DCAF5: variants seen among roughly 807,000 people sequenced by gnomAD.
The protein encoded by DCAF5 is DDB1- and CUL4-associated factor 5.
DCAF5 carries 9 observed loss-of-function variants against 80.7 expected under a neutral mutation model. That is an observed-to-expected ratio of 0.11 (90% CI 0.07 to 0.19). DCAF5 has a LOEUF of 0.19. Ranked by LOEUF, DCAF5 falls within the 10% of genes least tolerant of loss-of-function variation. DCAF5 has a pLI of 1.00. For synonymous variants in DCAF5, 433 were observed against 461.9 expected, an observed-to-expected ratio of 0.94 and a Z score of 0.80; for missense variants, 842 against 1,205.7, an observed-to-expected ratio of 0.70 and a Z score of 4.47.
intron 1 of DCAF5, among the ~76,000 whole-genome samples, chr14:69,135,054 A>G (rs1268909309): frequency 2.0e-5 from 3 of 152,260 alleles, no homozygotes; most frequent in African/African-American, 7.2e-5. Flanking sequence ...ATTCTGATGT[A>G]GACACTTGAA....
rs1428479276 is a variant in DCAF5, at chr14:69,055,674, G to A, written c.1075-63C>T. The A allele has an allele frequency of 9.3e-6, 14 of 1,498,856 alleles. No individual in the cohort carries two copies. The highest frequency in any genetic ancestry group is 1.3e-5 in the Non-Finnish European group (14 of 1,105,788). 92.8% of individuals were successfully genotyped at this position (1,498,856 alleles called of 1,614,324 possible). On this transcript the variant is annotated intron_variant, in intron 8 of 8. Transcript: ENST00000341516. The surrounding 1 kb of genome is among the most constrained non-coding windows in gnomAD (Gnocchi z 5.6). ...ACTGGAAAGTATTCTTTCACTGGTG[G>A]TGATAAAGAACACCAAGGCAGAACT...
rs887212685 is a variant in DCAF5 at position 69,152,690 on chromosome 14, G to A, written c.214+75C>T. On this transcript the variant is annotated intron_variant, in intron 1 of 8. Coordinates refer to ENST00000341516, the MANE Select transcript of DCAF5 (RefSeq NM_003861.3). The surrounding 1 kb of genome is among the most constrained non-coding windows in gnomAD (Gnocchi z 4.1). ...GGGTGGGGACAGAGGGCAGGAGGAG[G>A]GTGACGGGGGAGAGCGAGAGGGGGA... 105 of 1,130,708 alleles carry A rather than the reference G, an allele frequency of 9.3e-5. No individual in the cohort carries two copies. Among genetic ancestry groups the A allele is most frequent in the Non-Finnish European group, 1.3e-4 (104 of 788,592 alleles). 70.0% of individuals were successfully genotyped at this position (1,130,708 alleles called of 1,614,324 possible). A position where few individuals can be genotyped will look rare whatever the true frequency, so the allele number is the denominator to read the frequency against.
chr14:69,135,227 T>C (rs2041155204), intron 1 of DCAF5, among the ~76,000 whole-genome samples: 1 of 152,216 alleles, frequency 6.6e-6, no homozygotes, highest in Admixed American at 6.5e-5. Flanking sequence ...AAAGCAATGG[T>C]GGGTAAAACC....
intron 1 of DCAF5, among the ~76,000 whole-genome samples, chr14:69,126,369 C>G (rs1036606804): frequency 6.6e-6 from 1 of 152,058 alleles, no homozygotes; most frequent in Non-Finnish European, 1.5e-5. Context: ...GTTGGCCAGG[C>G]TGGTCTTGAA....
intron 5 of DCAF5, among the ~76,000 whole-genome samples, chr14:69,102,587 C>T (rs916130214): frequency 1.8e-5 from 2 of 111,018 alleles, no homozygotes; most frequent in Non-Finnish European, 3.9e-5. Flanking sequence ...TTGTTAAAAA[C>T]AAAGACACAC....
At chr14:69,100,446 AAC>A (rs1389611436) in intron 5 of DCAF5, among the ~76,000 whole-genome samples, 5 of 152,214 alleles carry the variant, frequency 3.3e-5, no homozygotes, top group Non-Finnish European at 7.4e-5. Context: ...TCCATATAAT[AAC>A]AGTCAAACAA....
intron 7 of DCAF5, among the ~76,000 whole-genome samples, chr14:69,071,796 G>C (rs2038702211): frequency 6.6e-6 from 1 of 152,194 alleles, no homozygotes; most frequent in African/African-American, 2.4e-5. Context: ...TGTTAGGCTT[G>C]CTGAACCTTG....
chr14:69,119,164 A>G (rs374001975), intron 3 of DCAF5, 30 bp downstream of exon 3: 22 of 1,604,538 alleles, frequency 1.4e-5, no homozygotes, highest in Middle Eastern at 1.7e-4. Flanking sequence ...AACAAAGTCA[A>G]TCACCTTCAC....
At position 69,053,554 on chromosome 14, in the gene DCAF5, G is replaced by T. The variant is rs1465133085; in HGVS notation, c.*303C>A. On this transcript the variant is annotated 3_prime_UTR_variant, in exon 9 of 9. Coordinates refer to ENST00000341516, the MANE Select transcript of DCAF5 (RefSeq NM_003861.3). ...GTGCGTACACAAGAACAAGTCGAAC[G>T]TCTCAACAAAGATTTACTTCCACAG... 6.5e-6 allele frequency: 2 copies of T among 308,060 alleles called. No homozygotes were observed. Among genetic ancestry groups the T allele is most frequent in the Non-Finnish European group, 1.2e-5 (2 of 166,906 alleles). 19.1% of individuals were successfully genotyped at this position (308,060 alleles called of 1,614,324 possible).
chr14:69,146,262 T>G (rs76464984), intron 1 of DCAF5, among the ~76,000 whole-genome samples: 1 of 152,200 alleles, frequency 6.6e-6, no homozygotes, highest in Non-Finnish European at 1.5e-5. Flanking sequence ...TTTGATGTAT[T>G]AATAACAATG....
intron 1 of DCAF5, among the ~76,000 whole-genome samples, chr14:69,147,790 G>A (rs1001190404): frequency 6.6e-6 from 1 of 151,936 alleles, no homozygotes; most frequent in Non-Finnish European, 1.5e-5. Context: ...ACTTCTAAAG[G>A]TACTTTTCCT....
chr14:69,143,789 T>C (rs1344660728), intron 1 of DCAF5: 1 of 152,322 alleles, frequency 6.6e-6, no homozygotes, highest in Non-Finnish European at 1.5e-5. Flanking sequence ...TTCTATAAAG[T>C]AACGGATCAT....
At chr14:69,106,392 A>G (rs1052167463) in intron 5 of DCAF5, among the ~76,000 whole-genome samples, 4 of 151,568 alleles carry the variant, frequency 2.6e-5, no homozygotes, top group Non-Finnish European at 5.9e-5. Context: ...TTTTAGTGAT[A>G]GGGTCTCATT....
chr14:69,125,991 T>C (rs929307392), intron 1 of DCAF5, among the ~76,000 whole-genome samples: 3 of 152,100 alleles, frequency 2.0e-5, no homozygotes. Context: ...ATAAGGTTAA[T>C]ATACAAAAGT....
At chr14:69,071,643 T>C (rs2038697277) in intron 7 of DCAF5, among the ~76,000 whole-genome samples, 1 of 152,128 alleles carries the variant, frequency 6.6e-6, no homozygotes, top group Admixed American at 6.6e-5. Flanking sequence ...AATGAATGAA[T>C]GAATGTGTAC....
intron 5 of DCAF5, among the ~76,000 whole-genome samples, chr14:69,112,629 A>AC (rs397976020): frequency 1.1e-4 from 17 of 151,438 alleles, no homozygotes; most frequent in African/African-American, 2.4e-4. Flanking sequence ...ACACACACAC[A>AC]AATAACACAC....
rs780925141 is a variant in DCAF5, at chr14:69,062,419, T to G, written c.1039A>C (p.Met347Leu). The G allele has an allele frequency of 6.2e-7, 1 of 1,614,126 alleles. No homozygotes were observed. The change falls in exon 8 of 9, where the codon ATG becomes CTG. Residue 347 changes from methionine to leucine, a missense_variant. Coordinates refer to ENST00000341516, the MANE Select transcript of DCAF5 (RefSeq NM_003861.3). ...NQVRFNPHTY[M>L]ICSSGVEKII... ...TTTTCTACACCAGAAGAGCAGATCA[T>G]GTAGGTGTGGGGATTAAATCGGACT...
chr14:69,126,791 G>A (rs1566778422), intron 1 of DCAF5, among the ~76,000 whole-genome samples: 1 of 152,054 alleles, frequency 6.6e-6, no homozygotes, highest in South Asian at 2.1e-4. Context: ...ACGGAGCAAA[G>A]ACAAAACAAT....
chr14:69,125,851 T>C (rs2040856583), intron 1 of DCAF5, among the ~76,000 whole-genome samples: 1 of 152,166 alleles, frequency 6.6e-6, no homozygotes, highest in Admixed American at 6.5e-5. Context: ...TAAGCATGTA[T>C]TTTTAAATAT....
Sources: allele counts gnomAD v4.1 joint callset (sites outside exome capture counted in the v4.1 genomes callset), GRCh38; gene constraint gnomAD v4.1.1; non-coding constraint Gnocchi (gnomAD v3.1); transcripts MANE v1.5; gene names NCBI Gene and HGNC (gene_info 2026-07-23, HGNC 2026-07-21).